The following CENPC variants were observed in gnomAD, a reference collection of about 807,000 sequenced individuals.
CENPC encodes the protein centromere protein C, also known as CENP-C 1.
A neutral mutation model predicts 112.1 loss-of-function variants in CENPC; 63 were observed. The ratio of observed to expected loss-of-function variants is 0.56; its 90% CI spans 0.46 to 0.69. CENPC has a LOEUF of 0.69. CENPC is among the 30% of genes least tolerant of loss of function. CENPC has a pLI of 0.00. For missense variants in CENPC, 1,000 were observed against 1,103.8 expected (o/e 0.91, Z 1.33); for synonymous variants, 333 against 367.6 (o/e 0.91, Z 1.08).
At chr4:67,489,197 T>TACACAC (rs33944071) in intron 17 of CENPC, among the ~76,000 whole-genome samples, 54 of 148,470 alleles carry the variant, frequency 3.6e-4, no homozygotes, top group East Asian at 2.6e-3. Flanking sequence ...CTGTTATACA[T>TACACAC]ACACACACAC....
Position 67,479,069 on chromosome 4 carries a change from A to G in CENPC, c.2671-4091T>C, listed in dbSNP as rs530816332. Among the ~76,000 whole-genome samples, 4 of 152,296 alleles carry G rather than the reference A, an allele frequency of 2.6e-5. No individual in the cohort carries two copies. In the South Asian group the frequency reaches 6.2e-4, roughly 24 times the overall value. On this transcript the variant is annotated intron_variant, in intron 17 of 18. Transcript: ENST00000273853. ...CTAACACCAGAGCTCCCAAATTTAT[A>G]AGACAATTACTACTAGGCCTAAGAA... is the stretch of plus-strand genomic sequence containing the variant.
chr4:67,536,635 G>T (rs1726726213), intron 4 of CENPC, among the ~76,000 whole-genome samples: 1 of 151,606 alleles, frequency 6.6e-6, no homozygotes, highest in African/African-American at 2.4e-5. Flanking sequence ...GAAGGCCTAG[G>T]CCAAGCTTGC....
chr4:67,519,559 G>T, intron 5 of CENPC, 57 bp from the exon 6 acceptor site: 1 of 1,177,850 alleles, frequency 8.5e-7, no homozygotes, highest in Non-Finnish European at 1.1e-6. Flanking sequence ...AGAGAATCAA[G>T]CAGGCTTTTT....
chr4:67,534,614 C>G (rs894842247), intron 4 of CENPC, among the ~76,000 whole-genome samples: 1 of 152,182 alleles, frequency 6.6e-6, no homozygotes, highest in Non-Finnish European at 1.5e-5. Flanking sequence ...AAATTGAAAA[C>G]AATCGCAGTT....
chr4:67,490,422 C>T (rs1480422153), intron 16 of CENPC, among the ~76,000 whole-genome samples: 7 of 151,988 alleles, frequency 4.6e-5, no homozygotes, highest in Admixed American at 1.3e-4. Context: ...TGAATATCAA[C>T]GAGTTAATGT....
chr4:67,514,783 T>C, intron 7 of CENPC, 96 bp from the exon 8 acceptor site: 1 of 1,236,378 alleles, frequency 8.1e-7, no homozygotes, highest in Non-Finnish European at 1.1e-6. Context: ...CTAAATTTCT[T>C]TTAAACTGTT....
intron 17 of CENPC, among the ~76,000 whole-genome samples, chr4:67,481,929 A>G (rs1451354700): frequency 1.3e-5 from 2 of 152,254 alleles, no homozygotes; most frequent in Admixed American, 6.5e-5. Context: ...GCTTCTGCAC[A>G]GCCAAAGAAA....
chr4:67,472,291 T>G lies in CENPC; in HGVS notation c.*314A>C, dbSNP rs7692496. Reference sequence around the variant, plus strand: ...TAAAATTAGTATTTGGAAAAGATGTTTTTTAATGAGTAGACATATTAATCA... The same window carrying G: ...TAAAATTAGTATTTGGAAAAGATGTGTTTTAATGAGTAGACATATTAATCA... On this transcript the variant is annotated 3_prime_UTR_variant, in exon 19 of 19. Coordinates refer to ENST00000273853, the MANE Select transcript of CENPC (RefSeq NM_001812.4). 0.62 allele frequency: 109,745 copies of G among 175,682 alleles called. 34,564 individuals are homozygous for G. The highest frequency in any genetic ancestry group is 0.8 in the East Asian group (5,329 of 6,652). The allele number at this position is 175,682 out of a possible 1,614,324, so 10.9% of individuals were successfully genotyped here.
At chr4:67,502,982 T>C (rs550936537) in intron 12 of CENPC, among the ~76,000 whole-genome samples, 1 of 152,276 alleles carries the variant, frequency 6.6e-6, no homozygotes, top group Admixed American at 6.5e-5. Context: ...CTCCAGCTAG[T>C]CTCCTTGCTT....
At chr4:67,494,351 G>A (rs3822197) in intron 13 of CENPC, among the ~76,000 whole-genome samples, 5,761 of 152,184 alleles carry the variant, frequency 0.038, 149 homozygotes, top group Middle Eastern at 0.045. Context: ...TGAAGCTAAC[G>A]AGAAGTTGCC....
At chr4:67,513,757 AT>A (rs1251786873) in intron 8 of CENPC, among the ~76,000 whole-genome samples, 9 of 151,944 alleles carry the variant, frequency 5.9e-5, no homozygotes, top group African/African-American at 1.7e-4. Context: ...GTACCCTGGG[AT>A]TTTTTTTAAC....
At chr4:67,532,480 A>C (rs12502577) in intron 4 of CENPC, among the ~76,000 whole-genome samples, 34,145 of 152,164 alleles carry the variant, frequency 0.22, 4,404 homozygotes, top group Middle Eastern at 0.37. Context: ...CACAATAGCA[A>C]AGACTTCGAA....
At chr4:67,509,207 T>TACACAC (rs36207189) in intron 9 of CENPC, 102 bp from the exon 10 acceptor site, 1,232 of 485,810 alleles carry the variant, frequency 2.5e-3, no homozygotes, top group East Asian at 7.9e-3. Flanking sequence ...CATATACACA[T>TACACAC]ACACACACAC....
At chr4:67,474,112 T>G (rs1724742142) in intron 18 of CENPC, among the ~76,000 whole-genome samples, 1 of 151,952 alleles carries the variant, frequency 6.6e-6, no homozygotes, top group Admixed American at 6.6e-5. Flanking sequence ...TCCCCTAGGC[T>G]GGAGTGCAGT....
intron 12 of CENPC, among the ~76,000 whole-genome samples, chr4:67,498,246 A>G (rs1725495284): frequency 6.6e-6 from 1 of 152,212 alleles, no homozygotes; most frequent in Non-Finnish European, 1.5e-5. Context: ...TTCTCAAAAA[A>G]TAAAAATAAT....
intron 4 of CENPC, among the ~76,000 whole-genome samples, chr4:67,537,879 C>T (rs192119033): frequency 6.6e-6 from 1 of 152,194 alleles, no homozygotes; most frequent in African/African-American, 2.4e-5. Flanking sequence ...AGGTAGTCAG[C>T]AGGCTGAGAC....
chr4:67,493,693 A>C, intron 14 of CENPC, 191 bp downstream of exon 14: 1 of 495,004 alleles, frequency 2.0e-6, no homozygotes, highest in South Asian at 2.7e-5. Flanking sequence ...CAGGAATAAC[A>C]ACATTCAGCT....
chr4:67,540,866 T>G, intron 3 of CENPC, 114 bp downstream of exon 3: 1 of 754,384 alleles, frequency 1.3e-6, no homozygotes, highest in Admixed American at 2.8e-5. Context: ...GGGAAAATAT[T>G]TTCCATATAT....
Position 67,497,356 on chromosome 4 carries a change from C to T in CENPC, c.2132-2144G>A, listed in dbSNP as rs186139323. Among the ~76,000 whole-genome samples the T allele has an allele frequency of 7.3e-5, 11 of 151,680 alleles. No homozygotes were observed. In the East Asian group the frequency reaches 1.4e-3, roughly 19 times the overall value. On this transcript the variant is annotated intron_variant, in intron 12 of 18. Coordinates refer to ENST00000273853, the MANE Select transcript of CENPC (RefSeq NM_001812.4). ...TCACACCATTGCACTCCACTCTGGGCGACAGAGGGACACTCCGTCTTAAAA... is the reference window on the plus strand; with the variant it reads ...TCACACCATTGCACTCCACTCTGGGTGACAGAGGGACACTCCGTCTTAAAA...
Sources: allele counts gnomAD v4.1 joint callset (sites outside exome capture counted in the v4.1 genomes callset), GRCh38; gene constraint gnomAD v4.1.1; transcripts MANE v1.5; gene names NCBI Gene and HGNC (gene_info 2026-07-23, HGNC 2026-07-21).